The following DOCK8 variants were observed in gnomAD, a reference collection of about 807,000 sequenced individuals.
DOCK8 encodes dedicator of cytokinesis protein 8.
DOCK8 carries 141 observed loss-of-function variants against 245.6 expected under a neutral mutation model. The ratio of observed to expected loss-of-function variants is 0.57; its 90% CI spans 0.50 to 0.66. The LOEUF (loss-of-function observed/expected upper bound fraction) is 0.66. DOCK8 is among the 30% of genes least tolerant of loss of function. DOCK8 has a pLI of 0.00. For synonymous variants in DOCK8, 1,168 were observed against 970.2 expected (o/e 1.20, Z -3.79); for missense variants, 2,965 against 2,603.4 (o/e 1.14, Z -3.02).
intron 28 of DOCK8, among the ~76,000 whole-genome samples, chr9:407,978 A>G (rs150201306): frequency 1.3e-5 from 2 of 152,318 alleles, no homozygotes; most frequent in South Asian, 2.1e-4. Context: ...CCACTATTCC[A>G]TAACAGAGAA....
rs530812550 is a variant in DOCK8, at chr9:420,842, C to T, written c.4024-107C>T. 449 of 1,473,742 alleles carry T rather than the reference C, an allele frequency of 3.0e-4. 1 individual carries two copies. Among genetic ancestry groups the T allele is most frequent in the Non-Finnish European group, 2.8e-5 (30 of 1,054,698 alleles). The allele number at this position is 1,473,742 out of a possible 1,614,324, so 91.3% of individuals were successfully genotyped here. ...TCCAGAGCAGCATCTCAGTGAAGCACATGTCAAACTTAGCTGGCATCACTG... is the reference window on the plus strand; with the variant it reads ...TCCAGAGCAGCATCTCAGTGAAGCATATGTCAAACTTAGCTGGCATCACTG... On this transcript the variant is annotated intron_variant, in intron 31 of 47. Transcript: ENST00000432829.
chr9:382,989 A>G (rs2053786953), intron 22 of DOCK8, among the ~76,000 whole-genome samples: 1 of 151,248 alleles, frequency 6.6e-6, no homozygotes, highest in Non-Finnish European at 1.5e-5. Flanking sequence ...ATTTTCAAGG[A>G]AAAAAAATAG....
chr9:399,070 A>G (rs781576455), intron 25 of DOCK8, 76 bp from the exon 26 acceptor site: 259 of 1,376,104 alleles, frequency 1.9e-4, no homozygotes, highest in Non-Finnish European at 2.2e-4. Context: ...GTCTCTCCCA[A>G]TGTTCCCACC....
chr9:214,484 T>G, upstream of DOCK8: 1 of 1,607,064 alleles, frequency 6.2e-7, no homozygotes. Context: ...TCGAGAATGG[T>G]GTCAACCCTT....
At chr9:387,258 A>C (rs1160835936) in intron 23 of DOCK8, among the ~76,000 whole-genome samples, 1 of 152,136 alleles carries the variant, frequency 6.6e-6, no homozygotes, top group Non-Finnish European at 1.5e-5. Context: ...AGCCTGGCCA[A>C]CATGGTGAAA....
intron 3 of DOCK8, among the ~76,000 whole-genome samples, chr9:288,070 T>TC (rs2048896201): frequency 6.6e-6 from 1 of 152,022 alleles, no homozygotes; most frequent in African/African-American, 2.4e-5. Flanking sequence ...TTTTTTTTTT[T>TC]TGAAATTTGA....
intron 28 of DOCK8, among the ~76,000 whole-genome samples, chr9:407,836 C>T (rs2055512954): frequency 6.6e-6 from 1 of 152,172 alleles, no homozygotes; most frequent in African/African-American, 2.4e-5. Context: ...GTGCACAAAA[C>T]AGACAAAATT....
chr9:398,305 C>T (rs546325810), intron 25 of DOCK8, among the ~76,000 whole-genome samples: 93 of 152,298 alleles, frequency 6.1e-4, no homozygotes, highest in African/African-American at 1.9e-3. Context: ...CTCAGCGGCA[C>T]GGTAGCAACC....
chr9:246,213 A>G (rs2047502674), intron 1 of DOCK8, among the ~76,000 whole-genome samples: 1 of 150,942 alleles, frequency 6.6e-6, no homozygotes, highest in Admixed American at 6.6e-5. Flanking sequence ...AGTGACACCC[A>G]TCTCAGAAAA....
chr9:290,484 A>G (rs147372757), intron 4 of DOCK8, among the ~76,000 whole-genome samples: 107 of 152,320 alleles, frequency 7.0e-4, no homozygotes, highest in African/African-American at 2.5e-3. Flanking sequence ...CAGAGGTGGC[A>G]TTCGAGTTTA....
intron 5 of DOCK8, among the ~76,000 whole-genome samples, chr9:306,201 G>A (rs540974320): frequency 1.4e-4 from 22 of 152,298 alleles, no homozygotes; most frequent in African/African-American, 4.8e-4. Context: ...TGCTGGAAAT[G>A]ATTCGAGGTT....
chr9:351,256 C>T (rs78270852), intron 14 of DOCK8, among the ~76,000 whole-genome samples: 3,504 of 152,224 alleles, frequency 0.023, 138 homozygotes, highest in African/African-American at 0.079. Flanking sequence ...ATCTCATCAT[C>T]GGGGACTGGA....
At chr9:453,226 G>A (rs950488622) in intron 46 of DOCK8, among the ~76,000 whole-genome samples, 15 of 152,202 alleles carry the variant, frequency 9.9e-5, no homozygotes, top group African/African-American at 2.9e-4. Context: ...TTGGTAATAG[G>A]ATGTTTGTGT....
At chr9:463,393 A>G (rs1457487909) in intron 46 of DOCK8, 124 bp from the exon 47 acceptor site, 1 of 1,159,830 alleles carries the variant, frequency 8.6e-7, no homozygotes, top group Non-Finnish European at 1.2e-6. Flanking sequence ...GGTGATCCCG[A>G]TATGCCACCC....
At chr9:284,428 G>A (rs2048723546) in intron 2 of DOCK8, 1 of 152,144 alleles carries the variant, frequency 6.6e-6, no homozygotes, top group South Asian at 2.1e-4. Flanking sequence ...CAGGTCCCCA[G>A]TCAGAACCAA....
At chr9:415,176 T>A (rs2055934380) in intron 29 of DOCK8, among the ~76,000 whole-genome samples, 1 of 152,238 alleles carries the variant, frequency 6.6e-6, no homozygotes, top group Non-Finnish European at 1.5e-5. Flanking sequence ...TTTACTTGTT[T>A]CTTCATTCAT....
chr9:386,483 A>G, intron 23 of DOCK8, 57 bp downstream of exon 23: 1 of 1,471,338 alleles, frequency 6.8e-7, no homozygotes, highest in South Asian at 1.2e-5. Context: ...GGATTTCCTC[A>G]TGCCCTCACA....
At chr9:353,012 C>A (rs1483691860) in intron 14 of DOCK8, among the ~76,000 whole-genome samples, 1 of 152,106 alleles carries the variant, frequency 6.6e-6, no homozygotes, top group African/African-American at 2.4e-5. Context: ...TTCACCTAAC[C>A]AGTATTATAA....
rs114018925 is a variant in DOCK8, at chr9:314,966, A to G, written c.742-2077A>G. On this transcript the variant is annotated intron_variant, in intron 6 of 47. Transcript: ENST00000432829. ...TCTTTCCCTAATTCATTCTGAGTCT[A>G]CAAAAGGCGGTTATTCTACAAAAGG... 8.3e-3 allele frequency among the ~76,000 whole-genome samples: 1,270 copies of G among 152,308 alleles called. 16 individuals are homozygous for G. The highest frequency in any genetic ancestry group is 0.028 in the African/African-American group (1,160 of 41,568).
Sources: gnomAD v4.1 joint callset for allele counts (sites outside exome capture counted in the v4.1 genomes callset) on GRCh38, gnomAD v4.1.1 for gene constraint, MANE v1.5 for transcripts, NCBI Gene and HGNC (gene_info 2026-07-23, HGNC 2026-07-21) for gene names.